The following CADM2 variants were observed in gnomAD, a reference collection of about 807,000 sequenced individuals.
The protein encoded by CADM2 is cell adhesion molecule 2.
Under a neutral mutation model 49.8 loss-of-function variants are expected in CADM2, and 12 were observed. That is an observed-to-expected ratio of 0.24 (90% CI 0.15 to 0.39). The LOEUF is 0.39. Ranked by LOEUF, CADM2 falls within the 10% of genes least tolerant of loss-of-function variation. The pLI is 1.00. For missense variants in CADM2, 378 were observed against 492.3 expected, an observed-to-expected ratio of 0.77 and a Z score of 2.20; for synonymous variants, 214 against 175.4, an observed-to-expected ratio of 1.22 and a Z score of -1.74.
intron 1 of CADM2, among the ~76,000 whole-genome samples, chr3:85,114,208 TG>T (rs1012072666): frequency 3.3e-5 from 5 of 151,494 alleles, no homozygotes; most frequent in African/African-American, 9.7e-5. Flanking sequence ...AGGGGCTGGA[TG>T]GGGGACTGGG....
intron 2 of CADM2, among the ~76,000 whole-genome samples, chr3:85,744,092 C>T (rs1430889376): frequency 6.6e-6 from 1 of 151,954 alleles, no homozygotes; most frequent in Non-Finnish European, 1.5e-5. Flanking sequence ...GTGATTAGTA[C>T]TATGAAGAAA....
intron 1 of CADM2, among the ~76,000 whole-genome samples, chr3:85,350,355 A>C (rs755647727): frequency 2.6e-5 from 4 of 152,194 alleles, no homozygotes; most frequent in Non-Finnish European, 5.9e-5. Context: ...AACATTTTCT[A>C]AAATTAAATA....
At chr3:85,240,440 C>T (rs1275117553) in intron 1 of CADM2, among the ~76,000 whole-genome samples, 5 of 151,318 alleles carry the variant, frequency 3.3e-5, no homozygotes, top group Non-Finnish European at 5.9e-5. Flanking sequence ...GATTATTGCT[C>T]ATAAAATATT....
chr3:86,065,500 T>C, intron 8 of CADM2, 105 bp from the exon 9 acceptor site: 1 of 1,175,054 alleles, frequency 8.5e-7, no homozygotes, highest in Non-Finnish European at 1.2e-6. Context: ...ATGTATTATT[T>C]AACAGAAATT....
At chr3:85,419,550 A>G (rs2036074331) in intron 1 of CADM2, among the ~76,000 whole-genome samples, 1 of 152,162 alleles carries the variant, frequency 6.6e-6, no homozygotes, top group African/African-American at 2.4e-5. Flanking sequence ...CATGTTTGAG[A>G]GACCATCTTT....
chr3:85,360,163 G>A (rs9824178), intron 1 of CADM2, among the ~76,000 whole-genome samples: 99,358 of 151,772 alleles, frequency 0.65, 33,403 homozygotes, highest in East Asian at 0.81. Context: ...AGCAGATTAA[G>A]TATTATGGTT....
intron 1 of CADM2, among the ~76,000 whole-genome samples, chr3:84,982,858 G>C (rs2032293173): frequency 6.6e-6 from 1 of 150,870 alleles, no homozygotes; most frequent in Non-Finnish European, 1.5e-5. Flanking sequence ...CGATTCTCCT[G>C]CACCAGCCTC....
chr3:85,978,067 C>G (rs1727010836), intron 8 of CADM2, among the ~76,000 whole-genome samples: 1 of 151,598 alleles, frequency 6.6e-6, no homozygotes, highest in Non-Finnish European at 1.5e-5. Context: ...GGCTATGTGA[C>G]AAACATGTGA....
intron 8 of CADM2, among the ~76,000 whole-genome samples, chr3:85,999,108 G>A (rs1729800393): frequency 6.6e-6 from 1 of 152,144 alleles, no homozygotes; most frequent in African/African-American, 2.4e-5. Flanking sequence ...TAATTAACAA[G>A]TAGGATTGAG....
At chr3:85,829,516 G>A (rs1258368775) in intron 3 of CADM2, among the ~76,000 whole-genome samples, 5 of 151,818 alleles carry the variant, frequency 3.3e-5, no homozygotes, top group African/African-American at 1.2e-4. Context: ...ATATATTTAA[G>A]TTGTACAACA....
At chr3:85,393,155 G>A (rs2034604327) in intron 1 of CADM2, among the ~76,000 whole-genome samples, 1 of 149,614 alleles carries the variant, frequency 6.7e-6, no homozygotes. Flanking sequence ...ACAATAACAA[G>A]ACAATGGAAC....
chr3:84,959,410 C>G lies in CADM2; in HGVS notation c.-198C>G, dbSNP rs1383854867. 3 of 587,900 alleles carry G rather than the reference C, an allele frequency of 5.1e-6. No individual in the cohort carries two copies. The highest frequency in any genetic ancestry group is 2.0e-5 in the South Asian group (1 of 49,344). The allele number at this position is 587,900 out of a possible 1,614,324, so 36.4% of individuals were successfully genotyped here. On this transcript the variant is annotated 5_prime_UTR_variant, in exon 1 of 10. Transcript: ENST00000383699. ...GGAGAAGAAACTATTTCGCGATACC[C>G]CATTCTGCGGGTGCTTTGCCGCTGC...
intron 6 of CADM2, among the ~76,000 whole-genome samples, chr3:85,935,434 A>G (rs892516195): frequency 1.2e-4 from 18 of 152,108 alleles, no homozygotes; most frequent in African/African-American, 4.1e-4. Flanking sequence ...TAGTATTCAT[A>G]GCCATCTATA....
intron 1 of CADM2, among the ~76,000 whole-genome samples, chr3:84,967,483 T>A (rs1239677723): frequency 6.6e-6 from 1 of 152,148 alleles, no homozygotes; most frequent in Admixed American, 6.6e-5. Flanking sequence ...TGAGAAATAA[T>A]GTATTATGAA....
At chr3:85,711,698 G>T (rs550127888) in intron 1 of CADM2, among the ~76,000 whole-genome samples, 1 of 152,102 alleles carries the variant, frequency 6.6e-6, no homozygotes, top group African/African-American at 2.4e-5. Flanking sequence ...TTTTAAATAT[G>T]GCTATTATAG....
At chr3:85,891,942 T>C (rs1714488354) in intron 5 of CADM2, among the ~76,000 whole-genome samples, 1 of 152,224 alleles carries the variant, frequency 6.6e-6, no homozygotes, top group Non-Finnish European at 1.5e-5. Flanking sequence ...ATAATAAATA[T>C]GTGTTGTTTT....
intron 1 of CADM2, among the ~76,000 whole-genome samples, chr3:85,276,673 G>T (rs1348064003): frequency 1.3e-5 from 2 of 151,230 alleles, no homozygotes; most frequent in Non-Finnish European, 3.0e-5. Flanking sequence ...GTTGAACAGA[G>T]GCCATGTTTT....
chr3:85,270,725 TA>T (rs964482584), intron 1 of CADM2, among the ~76,000 whole-genome samples: 10 of 151,282 alleles, frequency 6.6e-5, no homozygotes, highest in Non-Finnish European at 1.3e-4. Flanking sequence ...TCCAAGGGCA[TA>T]AAAAAGCTCA....
chr3:85,652,166 T>G (rs931736008), intron 1 of CADM2, among the ~76,000 whole-genome samples: 1 of 152,022 alleles, frequency 6.6e-6, no homozygotes, highest in Admixed American at 6.6e-5. Context: ...TTTACCCAAT[T>G]AAAGGATTAG....
Sources: gnomAD v4.1 joint callset for allele counts (sites outside exome capture counted in the v4.1 genomes callset) on GRCh38, gnomAD v4.1.1 for gene constraint, MANE v1.5 for transcripts, NCBI Gene and HGNC (gene_info 2026-07-23, HGNC 2026-07-21) for gene names.